PPARGC1A: variants seen among roughly 807,000 people sequenced by gnomAD.
The protein encoded by PPARGC1A is PPARG coactivator 1 alpha, also known as peroxisome proliferator-activated receptor gamma coactivator 1-alpha.
PPARGC1A carries 25 observed loss-of-function variants against 88.7 expected under a neutral mutation model. The ratio of observed to expected loss-of-function variants is 0.28; its 90% CI spans 0.21 to 0.39. The LOEUF (loss-of-function observed/expected upper bound fraction) is 0.39. PPARGC1A is among the 10% of genes least tolerant of loss of function. The pLI is 1.00. For missense variants in PPARGC1A, 880 were observed against 968.7 expected (o/e 0.91, Z 1.22); for synonymous variants, 363 against 355.6 (o/e 1.02, Z -0.24).
the PPARGC1A span, among the ~76,000 whole-genome samples, chr4:24,411,428 C>A: frequency 1.3e-5 from 2 of 152,178 alleles, no homozygotes; most frequent in Non-Finnish European, 2.9e-5. Context: ...TCTCATATAC[C>A]CTCTGCCCTC....
chr4:24,104,693 A>C, the PPARGC1A span, among the ~76,000 whole-genome samples: 1 of 152,184 alleles, frequency 6.6e-6, no homozygotes, highest in East Asian at 1.9e-4. Flanking sequence ...AGACAAAAGC[A>C]GGAATGGGGC....
the PPARGC1A span, among the ~76,000 whole-genome samples, chr4:24,135,788 C>T: frequency 6.6e-6 from 1 of 152,170 alleles, no homozygotes; most frequent in African/African-American, 2.4e-5. Flanking sequence ...TTTAATTGCA[C>T]ACAACATGGT....
the PPARGC1A span, among the ~76,000 whole-genome samples, chr4:24,128,017 C>T: frequency 1.3e-5 from 2 of 152,162 alleles, no homozygotes; most frequent in African/African-American, 4.8e-5. Flanking sequence ...AACTCCCTCT[C>T]ACCCAAGTCA....
the PPARGC1A span, among the ~76,000 whole-genome samples, chr4:23,967,648 C>G: frequency 8.3e-4 from 127 of 152,288 alleles, 1 homozygote; most frequent in African/African-American, 3.0e-3. Flanking sequence ...CAATCTGAAC[C>G]TCCAAAGTCA....
At chr4:24,368,156 G>A in the PPARGC1A span, among the ~76,000 whole-genome samples, 13 of 152,306 alleles carry the variant, frequency 8.5e-5, no homozygotes, top group South Asian at 2.1e-4. Flanking sequence ...GAGGTGAGAC[G>A]TGAATCGTCT....
the PPARGC1A span, among the ~76,000 whole-genome samples, chr4:23,918,411 G>A: frequency 0.23 from 34,886 of 151,692 alleles, 4,705 homozygotes; most frequent in East Asian, 0.36. Flanking sequence ...TAGTAGAGAC[G>A]GGGTTTCACC....
intron 2 of PPARGC1A, among the ~76,000 whole-genome samples, chr4:23,846,090 G>A (rs180850401): frequency 1.1e-3 from 170 of 152,298 alleles, no homozygotes; most frequent in Non-Finnish European, 1.4e-3. Flanking sequence ...AAAAAAGCAC[G>A]TGTCCCTGTA....
the PPARGC1A span, among the ~76,000 whole-genome samples, chr4:24,053,048 T>C: frequency 6.6e-6 from 1 of 150,980 alleles, no homozygotes; most frequent in African/African-American, 2.4e-5. Flanking sequence ...TTTTTTGTAT[T>C]TTTTAGTAGA....
chr4:24,213,268 G>A, the PPARGC1A span, among the ~76,000 whole-genome samples: 3 of 149,390 alleles, frequency 2.0e-5, no homozygotes, highest in East Asian at 4.0e-4. Flanking sequence ...CCGGGTTCAC[G>A]CCATTCTCCT....
chr4:23,808,551 G>C (rs1294220744), intron 10 of PPARGC1A, among the ~76,000 whole-genome samples: 1 of 152,114 alleles, frequency 6.6e-6, no homozygotes, highest in African/African-American at 2.4e-5. Context: ...AATTAGAGCA[G>C]TGACAGTTTA....
At chr4:24,420,010 G>A in the PPARGC1A span, among the ~76,000 whole-genome samples, 1 of 152,320 alleles carries the variant, frequency 6.6e-6, no homozygotes, top group African/African-American at 2.4e-5. Flanking sequence ...TAAAGAACCA[G>A]TAATGAGATT....
chr4:24,411,447 G>T, the PPARGC1A span, among the ~76,000 whole-genome samples: 1 of 152,206 alleles, frequency 6.6e-6, no homozygotes, highest in Non-Finnish European at 1.5e-5. Context: ...TCACACAGGT[G>T]CAGCCTGCCC....
At chr4:24,092,637 A>T in the PPARGC1A span, among the ~76,000 whole-genome samples, 1 of 152,190 alleles carries the variant, frequency 6.6e-6, no homozygotes, top group South Asian at 2.1e-4. Flanking sequence ...TTTTGTCCCA[A>T]AATGAATTGA....
chr4:24,373,786 A>T, the PPARGC1A span, among the ~76,000 whole-genome samples: 2 of 152,222 alleles, frequency 1.3e-5, no homozygotes, highest in African/African-American at 4.8e-5. Flanking sequence ...AGAATTTGCC[A>T]CTGCAAATAG....
the PPARGC1A span, among the ~76,000 whole-genome samples, chr4:24,381,165 G>A: frequency 2.8e-4 from 43 of 152,288 alleles, no homozygotes; most frequent in African/African-American, 9.9e-4. Flanking sequence ...TTCAAGAAGG[G>A]AGTGATCTCA....
Position 23,794,513 on chromosome 4 carries a change from ACTGT to A in PPARGC1A, c.*1305_*1308del, listed in dbSNP as rs1717167485. On this transcript the variant is annotated 3_prime_UTR_variant, in exon 13 of 13. Transcript: ENST00000264867. ...CTTGTTGCACTCAACAGACACACAC[ACTGT>A]CTTTTTGTTTTTACAATCAAATATA... 6.6e-6 allele frequency: 1 copy of A among 152,472 alleles called. No individual in the cohort carries two copies. The highest frequency in any genetic ancestry group is 1.5e-5 in the Non-Finnish European group (1 of 68,020). 9.4% of individuals were successfully genotyped at this position (152,472 alleles called of 1,614,324 possible).
the PPARGC1A span, among the ~76,000 whole-genome samples, chr4:24,246,291 T>C: frequency 1.3e-5 from 2 of 152,236 alleles, no homozygotes; most frequent in African/African-American, 4.8e-5. Flanking sequence ...TAATTCATAT[T>C]GTGCTGTTTC....
At chr4:23,854,133 G>T (rs1286777921) in intron 2 of PPARGC1A, among the ~76,000 whole-genome samples, 2 of 152,206 alleles carry the variant, frequency 1.3e-5, no homozygotes, top group Non-Finnish European at 2.9e-5. Flanking sequence ...TGAGACAGGA[G>T]CAGTGAAAAT....
At chr4:24,059,608 C>T in the PPARGC1A span, among the ~76,000 whole-genome samples, 2 of 152,286 alleles carry the variant, frequency 1.3e-5, no homozygotes, top group East Asian at 1.9e-4. Context: ...TCCCACAGCC[C>T]GCATCTGAGC....
Sources: allele counts gnomAD v4.1 joint callset (sites outside exome capture counted in the v4.1 genomes callset), GRCh38; gene constraint gnomAD v4.1.1; transcripts MANE v1.5; gene names NCBI Gene and HGNC (gene_info 2026-07-23, HGNC 2026-07-21).